Variants in PKHD1 observed in about 807,000 individuals in gnomAD.
PKHD1 encodes the protein PKHD1 ciliary IPT domain containing fibrocystin/polyductin.
In PKHD1, 291 loss-of-function variants were observed where a neutral mutation model predicts 412.0. The ratio of observed to expected loss-of-function variants is 0.71; its 90% CI spans 0.64 to 0.78. The LOEUF (loss-of-function observed/expected upper bound fraction) is 0.78, where lower values mean the gene tolerates loss of function less well. Among genes scored for constraint, PKHD1 ranks in the 30% least tolerant of loss-of-function variants. The probability of loss-of-function intolerance (pLI) is 0.00; values close to 1 mark genes in which losing one functional copy is unlikely to be tolerated. For synonymous variants in PKHD1, 1,777 were observed against 1,821.5 expected, an observed-to-expected ratio of 0.98 and a Z score of 0.62; for missense variants, 4,825 against 4,950.7, an observed-to-expected ratio of 0.97 and a Z score of 0.76.
intron 29 of PKHD1, among the ~76,000 whole-genome samples, chr6:52,028,872 C>G (rs1283844178): frequency 6.6e-6 from 1 of 152,156 alleles, no homozygotes; most frequent in Admixed American, 6.5e-5. Flanking sequence ...GAAAAATTGG[C>G]AGGACAATTG....
At chr6:51,918,600 G>C (rs188309760) in intron 37 of PKHD1, among the ~76,000 whole-genome samples, 2 of 152,268 alleles carry the variant, frequency 1.3e-5, no homozygotes, top group East Asian at 3.9e-4. Flanking sequence ...ATCATTGATG[G>C]GCATTTGGGT....
chr6:51,775,335 G>T (rs1790834249), intron 54 of PKHD1, among the ~76,000 whole-genome samples: 1 of 151,682 alleles, frequency 6.6e-6, no homozygotes, highest in Non-Finnish European at 1.5e-5. Context: ...CATACATATG[G>T]TTATACAAGG....
chr6:51,805,743 A>AT lies in PKHD1; in HGVS notation c.8303-14371dup, dbSNP rs1245391017. On this transcript the variant is annotated intron_variant, in intron 52 of 66. Transcript: ENST00000371117. ...GAGGGAAATTACACAGCCAACTCAT[A>AT]TTTTTCAGAGTGCTCTGGCTGCAGT... is the stretch of plus-strand genomic sequence containing the variant. 3.9e-5 allele frequency among the ~76,000 whole-genome samples: 6 copies of AT among 152,200 alleles called. No homozygotes were observed. The East Asian group carries it at 1.2e-3, about 29-fold the overall frequency.
At chr6:51,768,929 A>G (rs533852218) in intron 55 of PKHD1, among the ~76,000 whole-genome samples, 1 of 151,786 alleles carries the variant, frequency 6.6e-6, no homozygotes, top group South Asian at 2.1e-4. Flanking sequence ...TGTTTGCTGA[A>G]TTTTATTAAA....
chr6:51,738,064 A>T (rs1233162228), intron 60 of PKHD1, among the ~76,000 whole-genome samples: 2 of 152,214 alleles, frequency 1.3e-5, no homozygotes, highest in African/African-American at 4.8e-5. Flanking sequence ...CTGTGTTTCT[A>T]AGTGGTAAAT....
chr6:51,893,580 T>C (rs62405974), intron 43 of PKHD1, among the ~76,000 whole-genome samples: 7 of 152,344 alleles, frequency 4.6e-5, no homozygotes, highest in South Asian at 4.1e-4. Context: ...CACATATTTA[T>C]GCAGGCAGCT....
intron 9 of PKHD1, 136 bp from the exon 10 acceptor site, chr6:52,070,581 C>T: frequency 4.4e-6 from 3 of 676,180 alleles, no homozygotes; most frequent in Non-Finnish European, 5.2e-6. Context: ...GTGGTTCCCC[C>T]CCGCAAAAAC....
Position 51,747,033 on chromosome 6 carries a change from C to A in PKHD1, c.9830-144G>T, listed in dbSNP as rs1785285836. ...CAGGATAGCCTTAGGAGTTTACATA[C>A]ATCTTGATATAAAATATCAGTAGTT... is the stretch of plus-strand genomic sequence containing the variant. On this transcript the variant is annotated intron_variant, in intron 58 of 66. Coordinates refer to ENST00000371117, the MANE Select transcript of PKHD1 (RefSeq NM_138694.4). 8 of 599,568 alleles carry A rather than the reference C, an allele frequency of 1.3e-5. No individual in the cohort carries two copies. The South Asian group carries it at 1.6e-4, about 12-fold the overall frequency. The allele number at this position is 599,568 out of a possible 1,614,324, so 37.1% of individuals were successfully genotyped here.
chr6:51,853,867 C>A (rs1328783037), intron 49 of PKHD1, among the ~76,000 whole-genome samples: 1 of 152,128 alleles, frequency 6.6e-6, no homozygotes, highest in Non-Finnish European at 1.5e-5. Flanking sequence ...AGAGCATGCT[C>A]CTTTCACTCA....
chr6:52,086,089 CACAT>C (rs1487399995), intron 1 of PKHD1, among the ~76,000 whole-genome samples: 43 of 146,646 alleles, frequency 2.9e-4, no homozygotes, highest in African/African-American at 1.0e-3. Flanking sequence ...TACACACACA[CACAT>C]ACACACACAC....
At chr6:51,713,455 G>C (rs892312236) in intron 60 of PKHD1, among the ~76,000 whole-genome samples, 20 of 152,180 alleles carry the variant, frequency 1.3e-4, no homozygotes, top group African/African-American at 4.6e-4. Flanking sequence ...TGAAGCCTCT[G>C]GTTCTCCAGG....
At position 51,618,055 on chromosome 6, in the gene PKHD1, G is replaced by C. The variant is rs745560749; in HGVS notation, c.*1026C>G. 6.6e-6 allele frequency: 1 copy of C among 152,108 alleles called. No homozygotes were observed. The highest frequency in any genetic ancestry group is 1.5e-5 in the Non-Finnish European group (1 of 68,026). The allele number at this position is 152,108 out of a possible 1,614,324, so 9.4% of individuals were successfully genotyped here. A position where few individuals can be genotyped will look rare whatever the true frequency, so the allele number is the denominator to read the frequency against. The stretch of plus-strand genomic sequence containing the variant: ...TTCAGTTTGAAAAGAAATGGGCCCC[G>C]TACAAATGTGTGAATTTGGTGAAAT... On this transcript the variant is annotated 3_prime_UTR_variant, in exon 67 of 67. Transcript: ENST00000371117.
rs1561859644 is a variant in PKHD1 at position 51,911,962 on chromosome 6, G to T, written c.6333-6C>A. On this transcript the variant is annotated splice_polypyrimidine_tract_variant and splice_region_variant and intron_variant, in intron 38 of 66. Coordinates refer to ENST00000371117, the MANE Select transcript of PKHD1 (RefSeq NM_138694.4). ...CTGTAAAGTTGTGAGAATATCTGGA[G>T]AAAAAAAGAGGATGATAGAACTGAG... 6.2e-7 allele frequency: 1 copy of T among 1,606,520 alleles called. No individual in the cohort carries two copies. Among genetic ancestry groups the T allele is most frequent in the East Asian group, 2.2e-5 (1 of 44,780 alleles).
chr6:51,921,630 T>C (rs1784724110), intron 37 of PKHD1, among the ~76,000 whole-genome samples: 1 of 152,222 alleles, frequency 6.6e-6, no homozygotes, highest in East Asian at 1.9e-4. Context: ...TCATTTCTTT[T>C]AACTCTTTTT....
At position 51,909,406 on chromosome 6, in the gene PKHD1, C is replaced by T; in HGVS notation, c.6559G>A (p.Val2187Met). ...TCTTCTGGGAAGGACTGAACGATCA[C>T]TCTGGCTCCCATATCCCTGGATCCT... Reference protein sequence around the residue: ...MLGSRDMGARVIVQSFPEEPS... With the variant: ...MLGSRDMGARMIVQSFPEEPS... Residue 2187 changes from valine to methionine, a missense_variant, in exon 40 of 67, where the codon GTG becomes ATG. Physicochemically the swap from Val to Met is conservative, Grantham distance 21. Transcript: ENST00000371117. 1 of 1,613,500 alleles carries T rather than the reference C, an allele frequency of 6.2e-7. No individual in the cohort carries two copies. Among genetic ancestry groups the T allele is most frequent in the Non-Finnish European group, 8.5e-7 (1 of 1,179,546 alleles).
intron 36 of PKHD1, among the ~76,000 whole-genome samples, chr6:51,939,568 C>T (rs1045940042): frequency 2.0e-5 from 3 of 151,562 alleles, no homozygotes; most frequent in Non-Finnish European, 3.0e-5. Flanking sequence ...AGCCAGAAAA[C>T]AGCATTTTCG....
At position 52,025,181 on chromosome 6, in the gene PKHD1, C is replaced by T. The variant is rs1801956863; in HGVS notation, c.4629G>A (p.Leu1543=). The T allele has an allele frequency of 5.6e-6, 9 of 1,614,152 alleles. No homozygotes were observed. The highest frequency in any genetic ancestry group is 7.6e-6 in the Non-Finnish European group (9 of 1,180,020). Residue 1543 remains leucine, a synonymous_variant, in exon 32 of 67, where the codon TTG becomes TTA. Transcript: ENST00000371117. ...ASHVVCQTRD[L]APGPHYLSVF... is the part of the protein sequence containing the mutation. ...CTGACAGGTAGTGGGGTCCTGGGGC[C>T]AAGTCTCTTGTCTGGCACACAACGT...
At chr6:51,790,457 AG>A (rs1793565465) in intron 53 of PKHD1, among the ~76,000 whole-genome samples, 1 of 152,086 alleles carries the variant, frequency 6.6e-6, no homozygotes, top group South Asian at 2.1e-4. Flanking sequence ...CAGCAAGAGG[AG>A]CCTCATCTCC....
intron 57 of PKHD1, among the ~76,000 whole-genome samples, chr6:51,750,372 C>T (rs1207935489): frequency 1.3e-5 from 2 of 152,144 alleles, no homozygotes; most frequent in African/African-American, 4.8e-5. Context: ...ACACCAAATG[C>T]AAGCATAAGT....
Sources: allele counts gnomAD v4.1 joint callset (sites outside exome capture counted in the v4.1 genomes callset), GRCh38; gene constraint gnomAD v4.1.1; transcripts MANE v1.5; gene names NCBI Gene and HGNC (gene_info 2026-07-23, HGNC 2026-07-21).